SCOC: variants seen among roughly 807,000 people sequenced by gnomAD.
SCOC encodes short coiled coil protein.
In SCOC, 7 loss-of-function variants were observed where a neutral mutation model predicts 9.9. The observed-to-expected ratio is 0.71, with a 90% CI of 0.40 to 1.33. The LOEUF (loss-of-function observed/expected upper bound fraction) is 1.33, where lower values mean the gene tolerates loss of function less well. SCOC is among the 40% of genes most tolerant of loss of function. The probability of loss-of-function intolerance (pLI) is 0.01; values close to 1 mark genes in which losing one functional copy is unlikely to be tolerated. For missense variants in SCOC, 66 were observed against 89.7 expected, an observed-to-expected ratio of 0.74 and a Z score of 1.07; for synonymous variants, 19 against 28.2, an observed-to-expected ratio of 0.67 and a Z score of 1.03.
At chr4:140,258,047 T>G (rs1407729277) in intron 1 of SCOC, among the ~76,000 whole-genome samples, 1 of 152,218 alleles carries the variant, frequency 6.6e-6, no homozygotes, top group Non-Finnish European at 1.5e-5. Flanking sequence ...GTTCCTCACA[T>G]AGGTCGTCCG....
chr4:140,347,498 C>A (rs1689028016), intron 2 of SCOC, among the ~76,000 whole-genome samples: 1 of 152,120 alleles, frequency 6.6e-6, no homozygotes. Context: ...TCCTCTTCAG[C>A]CTCTTTCATC....
chr4:140,336,796 A>G (rs886570122), intron 1 of SCOC, among the ~76,000 whole-genome samples: 5 of 152,214 alleles, frequency 3.3e-5, no homozygotes, highest in African/African-American at 1.2e-4. Flanking sequence ...TTTTTGAGGA[A>G]CTGCCAAATT....
chr4:140,299,573 G>A (rs1260915544), intron 1 of SCOC, among the ~76,000 whole-genome samples: 1 of 152,184 alleles, frequency 6.6e-6, no homozygotes, highest in African/African-American at 2.4e-5. Context: ...AGATATCAAA[G>A]CTTTCCCATG....
At chr4:140,266,140 T>G (rs1282385930) in intron 1 of SCOC, among the ~76,000 whole-genome samples, 9 of 152,152 alleles carry the variant, frequency 5.9e-5, no homozygotes, top group Admixed American at 5.9e-4. Flanking sequence ...ATTTACTCCC[T>G]GACATGGCCA....
chr4:140,272,091 C>G (rs1351587613), intron 1 of SCOC, among the ~76,000 whole-genome samples: 3 of 148,282 alleles, frequency 2.0e-5, no homozygotes, highest in Admixed American at 6.8e-5. Context: ...GGGTCTTGCT[C>G]TGTCACCCAG....
At chr4:140,257,800 C>T (rs556504999) in intron 1 of SCOC, among the ~76,000 whole-genome samples, 66 of 152,304 alleles carry the variant, frequency 4.3e-4, no homozygotes, top group African/African-American at 1.5e-3. Context: ...TCTATCCTCC[C>T]GTTTCCATGT....
intron 1 of SCOC, among the ~76,000 whole-genome samples, chr4:140,258,759 G>A (rs901791246): frequency 6.6e-6 from 1 of 152,154 alleles, no homozygotes; most frequent in African/African-American, 2.4e-5. Context: ...TCTTCCCTTA[G>A]GAACCAAATC....
At chr4:140,271,986 A>T (rs1730855322) in intron 1 of SCOC, among the ~76,000 whole-genome samples, 1 of 151,848 alleles carries the variant, frequency 6.6e-6, no homozygotes, top group Non-Finnish European at 1.5e-5. Context: ...TGGCAGCGCA[A>T]GGTCGACCCT....
chr4:140,384,305 G>C lies in SCOC; in HGVS notation c.*3201G>C, dbSNP rs990674223. ...TAGTTTTTGCTATGCAATACTTCAG[G>C]ATAATTTCTTCATTAGAAATATAGG... is the stretch of plus-strand genomic sequence containing the variant. On this transcript the variant is annotated 3_prime_UTR_variant, in exon 4 of 4. Transcript: ENST00000608372. The C allele has an allele frequency of 3.9e-5, 6 of 152,148 alleles. No homozygotes were observed. Among genetic ancestry groups the C allele is most frequent in the Admixed American group, 3.9e-4 (6 of 15,260 alleles). 9.4% of individuals were successfully genotyped at this position (152,148 alleles called of 1,614,324 possible). A position where few individuals can be genotyped will look rare whatever the true frequency, so the allele number is the denominator to read the frequency against.
At chr4:140,364,016 G>C (rs569712261) in intron 2 of SCOC, among the ~76,000 whole-genome samples, 1 of 152,226 alleles carries the variant, frequency 6.6e-6, no homozygotes, top group South Asian at 2.1e-4. Context: ...ACCGTTTCAA[G>C]ATAAATGAAT....
In SCOC at chr4:140,383,971, C is replaced by T. The variant is rs560342820; in HGVS notation, c.*2867C>T. 2.0e-5 allele frequency: 3 copies of T among 152,314 alleles called. No homozygotes were observed. Among genetic ancestry groups the T allele is most frequent in the African/African-American group, 7.2e-5 (3 of 41,582 alleles). 9.4% of individuals were successfully genotyped at this position (152,314 alleles called of 1,614,324 possible). A position where few individuals can be genotyped will look rare whatever the true frequency, so the allele number is the denominator to read the frequency against. On this transcript the variant is annotated 3_prime_UTR_variant, in exon 4 of 4. Coordinates refer to ENST00000608372, the MANE Select transcript of SCOC (RefSeq NM_001153484.2). ...GCAAAGCTGGGTTCCTTTGGCTTAA[C>T]GATTGGTAGAGAAGTCTTCATGGGC...
intron 1 of SCOC, among the ~76,000 whole-genome samples, chr4:140,258,708 T>C (rs376509737): frequency 1.1e-4 from 17 of 152,386 alleles, no homozygotes; most frequent in African/African-American, 4.1e-4. Context: ...TTCTCTTCTC[T>C]TTCTGAGTTG....
chr4:140,380,444 C>T (rs991426190), intron 3 of SCOC, among the ~76,000 whole-genome samples: 14 of 151,850 alleles, frequency 9.2e-5, no homozygotes, highest in Admixed American at 7.2e-4. Flanking sequence ...ATGATCCACC[C>T]GCCTCGGCCT....
chr4:140,344,783 G>A (rs1726654197), intron 2 of SCOC, among the ~76,000 whole-genome samples: 1 of 152,174 alleles, frequency 6.6e-6, no homozygotes, highest in African/African-American at 2.4e-5. Context: ...CAAAGACAGG[G>A]GAAACCCATG....
At chr4:140,292,115 C>T (rs1731492074) in intron 1 of SCOC, among the ~76,000 whole-genome samples, 1 of 151,860 alleles carries the variant, frequency 6.6e-6, no homozygotes, top group African/African-American at 2.4e-5. Context: ...CTGACCATCT[C>T]TGTTGCCCCC....
intron 1 of SCOC, among the ~76,000 whole-genome samples, chr4:140,377,102 G>A (rs1728375600): frequency 6.6e-6 from 1 of 152,194 alleles, no homozygotes; most frequent in African/African-American, 2.4e-5. Flanking sequence ...GCTTTTGGCT[G>A]TTGCCTCTCT....
At chr4:140,287,619 C>G (rs1229045055) in intron 1 of SCOC, among the ~76,000 whole-genome samples, 2 of 151,734 alleles carry the variant, frequency 1.3e-5, no homozygotes, top group African/African-American at 4.8e-5. Context: ...ACACTACACA[C>G]ATGCATATGC....
At chr4:140,271,178 C>T (rs1730836836) in intron 1 of SCOC, among the ~76,000 whole-genome samples, 1 of 152,184 alleles carries the variant, frequency 6.6e-6, no homozygotes, top group African/African-American at 2.4e-5. Context: ...GTCATTCAGA[C>T]TGCTGCTGCC....
upstream of SCOC, among the ~76,000 whole-genome samples, chr4:140,342,029 C>T (rs776057232): frequency 5.2e-4 from 79 of 152,310 alleles, no homozygotes; most frequent in Non-Finnish European, 9.6e-4. Flanking sequence ...CCTATTTTAT[C>T]TCATCTTTTT....
Sources: allele counts gnomAD v4.1 joint callset (sites outside exome capture counted in the v4.1 genomes callset), GRCh38; gene constraint gnomAD v4.1.1; transcripts MANE v1.5; gene names NCBI Gene and HGNC (gene_info 2026-07-23, HGNC 2026-07-21).